CLTCL1: variants seen among roughly 807,000 people sequenced by gnomAD.
CLTCL1 encodes clathrin heavy chain 2.
Under a neutral mutation model 190.0 loss-of-function variants are expected in CLTCL1, and 159 were observed. That is an observed-to-expected ratio of 0.84 (90% CI 0.74 to 0.95). The LOEUF (loss-of-function observed/expected upper bound fraction) is 0.95. Ranked by LOEUF, CLTCL1 falls within the 40% of genes least tolerant of loss-of-function variation. CLTCL1 has a pLI of 0.00. For synonymous variants in CLTCL1, 752 were observed against 769.6 expected, an observed-to-expected ratio of 0.98 and a Z score of 0.38; for missense variants, 1,878 against 2,033.4, an observed-to-expected ratio of 0.92 and a Z score of 1.47.
In CLTCL1 at chr22:19,203,705, C is replaced by T. The variant is rs978786536; in HGVS notation, c.3601-2212G>A. ...CCCACACAGGTGGCGGCTGTGGGTGCTGCCTGTCCCTGGAGGCTGCCCATG... is the reference window on the plus strand; with the variant it reads ...CCCACACAGGTGGCGGCTGTGGGTGTTGCCTGTCCCTGGAGGCTGCCCATG... On this transcript the variant is annotated intron_variant, in intron 22 of 32. Transcript: ENST00000427926. 2.0e-5 allele frequency among the ~76,000 whole-genome samples: 3 copies of T among 152,302 alleles called. 1 individual carries two copies. The South Asian group carries it at 6.2e-4, about 32-fold the overall frequency.
intron 28 of CLTCL1, 63 bp downstream of exon 28, chr22:19,187,918 G>A: frequency 6.6e-7 from 1 of 1,514,412 alleles, no homozygotes. Context: ...TTTGAGAACA[G>A]AATGGCAGTT....
At position 19,216,116 on chromosome 22, in the gene CLTCL1, C is replaced by T; in HGVS notation, c.3060G>A (p.Glu1020=). 1 of 1,613,552 alleles carries T rather than the reference C, an allele frequency of 6.2e-7. No homozygotes were observed. Among genetic ancestry groups the T allele is most frequent in the Non-Finnish European group, 8.5e-7 (1 of 1,179,628 alleles). The part of the protein sequence containing the change: ...KIVLDNSVFS[E]HRNLQNLLIL... ...TACCCCTGGCATAGCCTCACCTGTG[C>T]TCGCTGAAGACAGAGTTATCCAGAA... is the stretch of plus-strand genomic sequence containing the variant. Residue 1020 remains glutamate (E), a synonymous_variant, in exon 19 of 33, where the codon GAG becomes GAA. Coordinates refer to ENST00000427926, the MANE Select transcript of CLTCL1 (RefSeq NM_007098.4).
chr22:19,249,811 A>G (rs1015650234), intron 3 of CLTCL1: 3 of 247,428 alleles, frequency 1.2e-5, no homozygotes, highest in South Asian at 3.9e-5. Context: ...TAATCAGAAA[A>G]TTAACTTTCA....
intron 30 of CLTCL1, 107 bp from the exon 31 acceptor site, chr22:19,180,913 A>G (rs1555925579): frequency 2.1e-6 from 2 of 931,956 alleles, no homozygotes; most frequent in East Asian, 2.4e-5. Context: ...GGAGAATGAC[A>G]GTGGAGGAGG....
intron 2 of CLTCL1, among the ~76,000 whole-genome samples, chr22:19,268,483 AG>A (rs2087194803): frequency 6.6e-6 from 1 of 152,226 alleles, no homozygotes; most frequent in Non-Finnish European, 1.5e-5. Context: ...GAATATATAA[AG>A]AACTCTTATA....
At chr22:19,197,760 C>T (rs2084756739) in intron 24 of CLTCL1, among the ~76,000 whole-genome samples, 1 of 152,150 alleles carries the variant, frequency 6.6e-6, no homozygotes, top group Non-Finnish European at 1.5e-5. Flanking sequence ...GCTGACCGGC[C>T]CCTCCTCTCC....
chr22:19,232,352 A>T (rs1443765073), intron 10 of CLTCL1, 124 bp downstream of exon 10: 4 of 1,354,366 alleles, frequency 3.0e-6, no homozygotes, highest in Non-Finnish European at 4.0e-6. Flanking sequence ...AGATTTTTTA[A>T]AACTGCAAGA....
In CLTCL1 at chr22:19,221,932, C is replaced by A. The variant is rs781907816; in HGVS notation, c.2561+19G>T. ...TAGAATCCAGGGGTAAGAGAAAACA[C>A]CAAGTAAGGACACCTTACCTATTTC... On this transcript the variant is annotated intron_variant, in intron 16 of 32. Transcript: ENST00000427926. 6.2e-7 allele frequency: 1 copy of A among 1,612,528 alleles called. No homozygotes were observed. Among genetic ancestry groups the A allele is most frequent in the Middle Eastern group, 1.7e-4 (1 of 6,052 alleles).
At chr22:19,209,224 C>G (rs781934042) in intron 20 of CLTCL1, 110 bp from the exon 21 acceptor site, 10 of 957,500 alleles carry the variant, frequency 1.0e-5, no homozygotes, top group African/African-American at 1.7e-5. Context: ...GACCATTTCA[C>G]TTCAGTCAGA....
At chr22:19,260,449 C>A (rs115488551) in intron 2 of CLTCL1, among the ~76,000 whole-genome samples, 2,646 of 148,808 alleles carry the variant, frequency 0.018, 75 homozygotes, top group African/African-American at 0.065. Context: ...GAATGCTCAC[C>A]GACCACTCCA....
chr22:19,201,379 C>T lies in CLTCL1; in HGVS notation c.3715G>A (p.Ala1239Thr). The T allele has an allele frequency of 6.2e-7, 1 of 1,613,676 alleles. No individual in the cohort carries two copies. The highest frequency in any genetic ancestry group is 8.5e-7 in the Non-Finnish European group (1 of 1,179,846). ...STLVHLGEYQ[A>T]AVDNSRKASS... ...GCCTTGCGGCTGTTGTCCACTGCTG[C>T]CTGATACTCACCGAGGTGAACCAAG... The change falls in exon 23 of 33, where the codon GCA becomes ACA. Residue 1239 changes from alanine to threonine, a missense_variant. Physicochemically the swap from Ala to Thr is moderately conservative, Grantham distance 58. Coordinates refer to ENST00000427926, the MANE Select transcript of CLTCL1 (RefSeq NM_007098.4).
chr22:19,207,811 T>G, intron 22 of CLTCL1: 1 of 599,922 alleles, frequency 1.7e-6, no homozygotes, highest in Non-Finnish European at 3.0e-6. Flanking sequence ...TGCATGCTTC[T>G]TATGAAAACC....
chr22:19,264,608 C>T (rs1243639668), intron 2 of CLTCL1, among the ~76,000 whole-genome samples: 5 of 152,112 alleles, frequency 3.3e-5, no homozygotes, highest in African/African-American at 7.2e-5. Context: ...CCAAGCTACG[C>T]AACAACTGAT....
chr22:19,186,942 C>T (rs77722896), intron 29 of CLTCL1, among the ~76,000 whole-genome samples: 1 of 145,092 alleles, frequency 6.9e-6, no homozygotes, highest in East Asian at 2.0e-4. Flanking sequence ...TTCCTCAAAT[C>T]TTTTTTTTTT....
In CLTCL1 at chr22:19,276,031, C is replaced by T. The variant is rs1359990927; in HGVS notation, c.43-201G>A. 1.5e-5 allele frequency among the ~76,000 whole-genome samples: 2 copies of T among 134,672 alleles called. 1 individual carries two copies. Among genetic ancestry groups the T allele is most frequent in the Admixed American group, 1.5e-4 (2 of 13,220 alleles). The allele number at this position is 134,672 out of a possible 152,430, so 88.4% of individuals were successfully genotyped here. ...GAATCAACTCTCCTTGAGAGATTACCAGCCCACAGTGGAGATAAGACATGT... is the reference window on the plus strand; with the variant it reads ...GAATCAACTCTCCTTGAGAGATTACTAGCCCACAGTGGAGATAAGACATGT... On this transcript the variant is annotated intron_variant, in intron 1 of 32. Coordinates refer to ENST00000427926, the MANE Select transcript of CLTCL1 (RefSeq NM_007098.4).
intron 18 of CLTCL1, among the ~76,000 whole-genome samples, chr22:19,219,514 CTG>C (rs1315683907): frequency 6.6e-6 from 1 of 150,716 alleles, no homozygotes; most frequent in African/African-American, 2.4e-5. Flanking sequence ...GATGGAGTCT[CTG>C]TCTGTCGCCC....
At chr22:19,218,063 C>T (rs1206536) in intron 18 of CLTCL1, among the ~76,000 whole-genome samples, 8,970 of 152,248 alleles carry the variant, frequency 0.059, 329 homozygotes, top group Middle Eastern at 0.15. Context: ...TGTTATTATG[C>T]GCTCTGGATT....
rs370134616 is a variant in CLTCL1, at chr22:19,253,833, T to A, written c.519+126A>T. 83 of 1,155,348 alleles carry A rather than the reference T, an allele frequency of 7.2e-5. No individual in the cohort carries two copies. The African/African-American group carries it at 1.1e-3, about 15-fold the overall frequency. 71.6% of individuals were successfully genotyped at this position (1,155,348 alleles called of 1,614,324 possible). On this transcript the variant is annotated intron_variant, in intron 3 of 32. Coordinates refer to ENST00000427926, the MANE Select transcript of CLTCL1 (RefSeq NM_007098.4). ...CTCCCGCCTCGGCCTCCCAAAGTGCTGGGATTACAGGCATGAGCCACCGCA... is the reference window on the plus strand; with the variant it reads ...CTCCCGCCTCGGCCTCCCAAAGTGCAGGGATTACAGGCATGAGCCACCGCA...
intron 4 of CLTCL1, among the ~76,000 whole-genome samples, chr22:19,240,565 G>A (rs17744116): frequency 0.024 from 3,709 of 152,310 alleles, 48 homozygotes; most frequent in Non-Finnish European, 0.036. Context: ...ATGGGGAATA[G>A]AAAAGTCTTG....
Sources: gnomAD v4.1 joint callset for allele counts (sites outside exome capture counted in the v4.1 genomes callset) on GRCh38, gnomAD v4.1.1 for gene constraint, MANE v1.5 for transcripts, NCBI Gene and HGNC (gene_info 2026-07-23, HGNC 2026-07-21) for gene names.